Variants in SEMA5A observed in about 807,000 individuals in gnomAD.
SEMA5A encodes semaphorin 5A, also known as semaphorin-5A.
SEMA5A carries 55 observed loss-of-function variants against 135.5 expected under a neutral mutation model. That is an observed-to-expected ratio of 0.41 (90% CI 0.33 to 0.51). The LOEUF is 0.51. Ranked by LOEUF, SEMA5A falls within the 20% of genes least tolerant of loss-of-function variation. SEMA5A has a pLI of 0.37. For synonymous variants in SEMA5A, 580 were observed against 546.5 expected (o/e 1.06, Z -0.85); for missense variants, 1,290 against 1,419.9 (o/e 0.91, Z 1.47).
At chr5:9,387,637 G>A (rs992556604) in intron 2 of SEMA5A, among the ~76,000 whole-genome samples, 1 of 152,186 alleles carries the variant, frequency 6.6e-6, no homozygotes. Context: ...TGTATTAAAT[G>A]AATCTATGCT....
chr5:9,432,727 G>A (rs919486165), intron 2 of SEMA5A, among the ~76,000 whole-genome samples: 9 of 152,120 alleles, frequency 5.9e-5, no homozygotes, highest in African/African-American at 1.4e-4. Context: ...ATCAGTGCTC[G>A]AGACTGCACA....
At chr5:9,093,880 G>C (rs935765379) in intron 16 of SEMA5A, among the ~76,000 whole-genome samples, 40 of 152,098 alleles carry the variant, frequency 2.6e-4, no homozygotes, top group African/African-American at 9.2e-4. Flanking sequence ...CATGTCCTTG[G>C]GTTCACAGCC....
chr5:9,135,729 T>C (rs1741702449), intron 13 of SEMA5A, among the ~76,000 whole-genome samples: 1 of 152,186 alleles, frequency 6.6e-6, no homozygotes, highest in Non-Finnish European at 1.5e-5. Flanking sequence ...TTTTCCATTA[T>C]ATGGAAGTTA....
intron 8 of SEMA5A, among the ~76,000 whole-genome samples, chr5:9,214,717 C>T (rs1395753433): frequency 1.3e-5 from 2 of 152,178 alleles, no homozygotes; most frequent in East Asian, 3.9e-4. Context: ...TCATGCTCTG[C>T]CCACACATTC....
At chr5:9,098,317 T>C (rs2150136722) in intron 16 of SEMA5A, among the ~76,000 whole-genome samples, 1 of 152,252 alleles carries the variant, frequency 6.6e-6, no homozygotes, top group East Asian at 1.9e-4. Flanking sequence ...CTACTGTCTT[T>C]TAATTTCAGT....
chr5:9,433,715 A>G (rs1757936312), intron 2 of SEMA5A, among the ~76,000 whole-genome samples: 1 of 152,132 alleles, frequency 6.6e-6, no homozygotes, highest in Non-Finnish European at 1.5e-5. Context: ...AAATATATAA[A>G]AAAAGAATAT....
intron 12 of SEMA5A, among the ~76,000 whole-genome samples, chr5:9,149,857 A>G (rs1307832470): frequency 6.6e-6 from 1 of 152,168 alleles, no homozygotes; most frequent in East Asian, 1.9e-4. Context: ...CCTGAATTAC[A>G]GAGGTGGGAA....
intron 1 of SEMA5A, among the ~76,000 whole-genome samples, chr5:9,474,335 G>A (rs1223216786): frequency 1.3e-5 from 2 of 152,054 alleles, no homozygotes; most frequent in African/African-American, 4.8e-5. Flanking sequence ...AACATCTGCT[G>A]GCTTAAAGGG....
chr5:9,362,960 G>A (rs1016715325), intron 3 of SEMA5A, among the ~76,000 whole-genome samples: 3 of 152,136 alleles, frequency 2.0e-5, no homozygotes, highest in African/African-American at 7.2e-5. Flanking sequence ...ATTTCTCAGC[G>A]ACTGCCTCAC....
intron 2 of SEMA5A, among the ~76,000 whole-genome samples, chr5:9,425,698 G>A (rs779683393): frequency 1.3e-5 from 2 of 152,174 alleles, no homozygotes; most frequent in Non-Finnish European, 2.9e-5. Context: ...TGCTAGCTCA[G>A]TGAAATAAAA....
At position 9,052,028 on chromosome 5, in the gene SEMA5A, T is replaced by C. The variant is rs199709959; in HGVS notation, c.2690A>G (p.Glu897Gly). ...EALCNTQPCP[E>G]SWSEWSDWSE... ...CCAGTCCGACCACTCCGACCAGCTC[T>C]CTGCAGAGACCAGAAAAGGGGAGAT... The change falls in exon 20 of 23, where the codon GAG becomes GGG. Residue 897 changes from glutamate (E) to glycine (G), a missense_variant and splice_region_variant. Glu to Gly is a moderately conservative substitution (Grantham distance 98). This residue lies in a region of SEMA5A where 1,029 missense variants were observed against 1,086.6 expected (regional missense o/e 0.95). Coordinates refer to ENST00000382496, the MANE Select transcript of SEMA5A (RefSeq NM_003966.3). 149 of 1,593,788 alleles carry C rather than the reference T, an allele frequency of 9.3e-5. 1 individual carries two copies. In the Middle Eastern group the frequency reaches 5.4e-3, roughly 57 times the overall value.
chr5:9,483,308 T>G (rs35607365), intron 1 of SEMA5A, among the ~76,000 whole-genome samples: 20,028 of 152,158 alleles, frequency 0.13, 1,532 homozygotes, highest in Non-Finnish European at 0.16. Flanking sequence ...TCCCTCACTC[T>G]TCTCTCAACT....
intron 1 of SEMA5A, among the ~76,000 whole-genome samples, chr5:9,533,660 G>A (rs563826235): frequency 1.3e-5 from 2 of 152,322 alleles, no homozygotes; most frequent in African/African-American, 4.8e-5. Flanking sequence ...CAATGGCTCA[G>A]AGAAGCAAAG....
intron 4 of SEMA5A, among the ~76,000 whole-genome samples, chr5:9,326,551 AGACAGATCACCT>A (rs1752885909): frequency 2.0e-5 from 3 of 151,900 alleles, no homozygotes; most frequent in Non-Finnish European, 4.4e-5. Context: ...AGGCCGAAGC[AGACAGATCACCT>A]GAGGTCAGTA....
At chr5:9,177,504 T>A (rs993866605) in intron 11 of SEMA5A, among the ~76,000 whole-genome samples, 31 of 152,216 alleles carry the variant, frequency 2.0e-4, no homozygotes, top group African/African-American at 7.2e-4. Flanking sequence ...TGGAAATGTA[T>A]GTGTATTTTC....
chr5:9,150,763 T>G (rs2150250767), intron 12 of SEMA5A, among the ~76,000 whole-genome samples: 1 of 152,236 alleles, frequency 6.6e-6, no homozygotes, highest in South Asian at 2.1e-4. Flanking sequence ...TCATGTTTGC[T>G]TGATCCAGTC....
At chr5:9,537,033 A>G (rs1282367501) in intron 1 of SEMA5A, among the ~76,000 whole-genome samples, 1 of 152,176 alleles carries the variant, frequency 6.6e-6, no homozygotes, top group Non-Finnish European at 1.5e-5. Context: ...CAAAATCAAT[A>G]TTAGAGGCTA....
chr5:9,379,198 T>C (rs1022625294), intron 3 of SEMA5A, among the ~76,000 whole-genome samples: 1 of 152,242 alleles, frequency 6.6e-6, no homozygotes, highest in African/African-American at 2.4e-5. Flanking sequence ...TCATTCATCA[T>C]ATTTAGCCTG....
chr5:9,235,336 G>T (rs992619906), intron 6 of SEMA5A, among the ~76,000 whole-genome samples: 1 of 152,198 alleles, frequency 6.6e-6, no homozygotes, highest in Non-Finnish European at 1.5e-5. Context: ...AAATAAATTT[G>T]CCATTTTGGA....
Sources: allele counts gnomAD v4.1 joint callset (sites outside exome capture counted in the v4.1 genomes callset), GRCh38; gene constraint gnomAD v4.1.1; regional missense constraint gnomAD v4.1.1; transcripts MANE v1.5; gene names NCBI Gene and HGNC (gene_info 2026-07-23, HGNC 2026-07-21).